Variants in RAP1GAP2 observed in about 807,000 individuals in gnomAD.
The protein encoded by RAP1GAP2 is RAP1 GTPase activating protein 2.
In RAP1GAP2, 27 loss-of-function variants were observed where a neutral mutation model predicts 95.0. The ratio of observed to expected loss-of-function variants is 0.28; its 90% CI spans 0.21 to 0.39. RAP1GAP2 has a LOEUF of 0.39. Among genes scored for constraint, RAP1GAP2 ranks in the 10% least tolerant of loss-of-function variants. The pLI is 1.00. For missense variants in RAP1GAP2, 771 were observed against 970.0 expected, an observed-to-expected ratio of 0.79 and a Z score of 2.72; for synonymous variants, 373 against 380.9, an observed-to-expected ratio of 0.98 and a Z score of 0.24.
In RAP1GAP2 at chr17:3,027,902, G is replaced by A. The variant is rs999990285; in HGVS notation, c.2107+832G>A. On this transcript the variant is annotated intron_variant, in intron 22 of 24. Coordinates refer to ENST00000254695, the MANE Select transcript of RAP1GAP2 (RefSeq NM_015085.5). This position sits in a 1 kb window ranked among gnomAD's most constrained non-coding sequence, Gnocchi z 5.2. The stretch of plus-strand genomic sequence containing the variant: ...GGGTTCAGAGAGAGCAGGAGTCTGG[G>A]CGTTTTGGGGTTCTGTGATCCCTGC... Among the ~76,000 whole-genome samples, 3 of 152,022 alleles carry A rather than the reference G, an allele frequency of 2.0e-5. No individual in the cohort carries two copies. Among genetic ancestry groups the A allele is most frequent in the African/African-American group, 7.2e-5 (3 of 41,390 alleles).
intron 1 of RAP1GAP2, among the ~76,000 whole-genome samples, chr17:2,788,632 C>T (rs1047806302): frequency 3.9e-5 from 6 of 152,052 alleles, no homozygotes; most frequent in Non-Finnish European, 7.4e-5. Context: ...TTTTGGAGGC[C>T]GAGAAGTCCC....
intron 16 of RAP1GAP2, 79 bp downstream of exon 16, chr17:3,006,120 CTTTTTTTTTTTTT>C (rs537126167): frequency 5.3e-4 from 216 of 409,580 alleles, no homozygotes; most frequent in Middle Eastern, 1.2e-3. Flanking sequence ...GCTCCTCCAT[CTTTTTTTTTTTTT>C]TTTTTTTTTT....
At chr17:2,968,846 A>G (rs1404075527) in intron 8 of RAP1GAP2, among the ~76,000 whole-genome samples, 1 of 152,132 alleles carries the variant, frequency 6.6e-6, no homozygotes, top group African/African-American at 2.4e-5. Flanking sequence ...AAAAATTAGA[A>G]AAGTCAAATA....
intron 2 of RAP1GAP2, among the ~76,000 whole-genome samples, chr17:2,831,740 A>T (rs957588032): frequency 6.6e-6 from 1 of 152,088 alleles, no homozygotes; most frequent in Admixed American, 6.6e-5. Context: ...TCTACTAAAA[A>T]TAAAAAAAAT....
intron 1 of RAP1GAP2, among the ~76,000 whole-genome samples, chr17:2,787,271 T>TC (rs1286716539): frequency 6.9e-6 from 1 of 145,674 alleles, no homozygotes; most frequent in African/African-American, 2.6e-5. Context: ...TTTTTTTTTC[T>TC]TTTTTTTTTT....
chr17:2,836,772 A>G (rs1261659797), intron 2 of RAP1GAP2, among the ~76,000 whole-genome samples: 1 of 152,158 alleles, frequency 6.6e-6, no homozygotes, highest in Non-Finnish European at 1.5e-5. Flanking sequence ...TTTCATTCAC[A>G]GGCACCTCTC....
intron 2 of RAP1GAP2, among the ~76,000 whole-genome samples, chr17:2,831,640 C>G (rs1435519359): frequency 6.6e-6 from 1 of 151,842 alleles, no homozygotes; most frequent in East Asian, 1.9e-4. Context: ...CCTGTAATCC[C>G]AGGACCGTAG....
Position 2,881,745 on chromosome 17 carries a change from G to A in RAP1GAP2, c.81-23539G>A, listed in dbSNP as rs536200470. Among the ~76,000 whole-genome samples the A allele has an allele frequency of 8.8e-4, 134 of 152,198 alleles. 1 individual carries two copies. The highest frequency in any genetic ancestry group is 3.0e-3 in the African/African-American group (126 of 41,550). ...ACAGTTTCTCTGCATTCTTGATAAC[G>A]TTTATTGTTATCTGTTTTTTTGCTT... On this transcript the variant is annotated intron_variant, in intron 2 of 24. Transcript: ENST00000254695.
intron 2 of RAP1GAP2, among the ~76,000 whole-genome samples, chr17:2,810,967 G>A (rs1018221815): frequency 3.1e-4 from 47 of 152,076 alleles, no homozygotes; most frequent in African/African-American, 1.0e-3. Context: ...AACTTTGCTC[G>A]AAGCTGACCG....
rs2046403990 is a variant in RAP1GAP2 at position 3,008,459 on chromosome 17, A to G, written c.1494+314A>G. Among the ~76,000 whole-genome samples the G allele has an allele frequency of 6.6e-6, 1 of 152,316 alleles. No individual in the cohort carries two copies. The highest frequency in any genetic ancestry group is 1.9e-4 in the East Asian group (1 of 5,182). On this transcript the variant is annotated intron_variant, in intron 17 of 24. Coordinates refer to ENST00000254695, the MANE Select transcript of RAP1GAP2 (RefSeq NM_015085.5). This position sits in a 1 kb window ranked among gnomAD's most constrained non-coding sequence, Gnocchi z 4.2. ...GGAGAGGAGCTGGAGCAAGCCAGGAACATCGGCGCTTTCACCTGCCTCCTC... is the reference window on the plus strand; with the variant it reads ...GGAGAGGAGCTGGAGCAAGCCAGGAGCATCGGCGCTTTCACCTGCCTCCTC...
chr17:3,012,585 A>G (rs528696173), intron 17 of RAP1GAP2, among the ~76,000 whole-genome samples: 9 of 141,216 alleles, frequency 6.4e-5, no homozygotes, highest in Non-Finnish European at 1.4e-4. Context: ...GCCACTGCAC[A>G]GCAGATCCAG....
intron 3 of RAP1GAP2, among the ~76,000 whole-genome samples, chr17:2,914,540 G>T (rs956206301): frequency 3.3e-5 from 5 of 152,090 alleles, no homozygotes; most frequent in African/African-American, 1.2e-4. Flanking sequence ...GCCCAGGCTG[G>T]AGTGCAGTGG....
chr17:2,846,086 G>C (rs2071574897), intron 2 of RAP1GAP2, among the ~76,000 whole-genome samples: 1 of 151,622 alleles, frequency 6.6e-6, no homozygotes. Context: ...GGGAGGCTGA[G>C]ACTGGAGAAT....
chr17:2,784,968 T>C (rs2068739843), intron 1 of RAP1GAP2, among the ~76,000 whole-genome samples: 1 of 152,124 alleles, frequency 6.6e-6, no homozygotes, highest in Non-Finnish European at 1.5e-5. Context: ...CTGAGGGAGC[T>C]CTCCGCTTCT....
intron 13 of RAP1GAP2, among the ~76,000 whole-genome samples, chr17:2,997,028 T>C (rs139274744): frequency 0.015 from 2,283 of 152,144 alleles, 58 homozygotes; most frequent in African/African-American, 0.051. Flanking sequence ...CAGGCTGGAG[T>C]GCAGTGGTGC....
chr17:2,873,187 C>T (rs1279287599), intron 2 of RAP1GAP2, among the ~76,000 whole-genome samples: 1 of 150,020 alleles, frequency 6.7e-6, no homozygotes, highest in African/African-American at 2.5e-5. Flanking sequence ...AGGCTGGGTG[C>T]AGTGGCTCAT....
At position 3,027,166 on chromosome 17, in the gene RAP1GAP2, T is replaced by C; in HGVS notation, c.2107+96T>C. 1 of 1,423,110 alleles carries C rather than the reference T, an allele frequency of 7.0e-7. No homozygotes were observed. The highest frequency in any genetic ancestry group is 1.5e-5 in the South Asian group (1 of 68,382). 88.2% of individuals were successfully genotyped at this position (1,423,110 alleles called of 1,614,324 possible). A position where few individuals can be genotyped will look rare whatever the true frequency, so the allele number is the denominator to read the frequency against. ...GCCCCAGCCACGCTGAACTGGCCAGTTTTCACCCCTCCTCCCAGCTGTGAG... is the reference window on the plus strand; with the variant it reads ...GCCCCAGCCACGCTGAACTGGCCAGCTTTCACCCCTCCTCCCAGCTGTGAG... On this transcript the variant is annotated intron_variant, in intron 22 of 24. Transcript: ENST00000254695. This position sits in a 1 kb window ranked among gnomAD's most constrained non-coding sequence, Gnocchi z 5.2.
chr17:2,992,827 G>A (rs183898206), intron 12 of RAP1GAP2, among the ~76,000 whole-genome samples: 1 of 152,182 alleles, frequency 6.6e-6, no homozygotes, highest in Admixed American at 6.5e-5. Context: ...AGTCACACCT[G>A]GGATAAAACC....
In RAP1GAP2 at chr17:2,796,537, C is replaced by T. The variant is rs746923589; in HGVS notation, c.10C>T (p.Arg4Trp). 22 of 1,563,680 alleles carry T rather than the reference C, an allele frequency of 1.4e-5. No individual in the cohort carries two copies. The highest frequency in any genetic ancestry group is 1.3e-4 in the Admixed American group (7 of 52,236). MFG[R>W]KRSVSFGGFG... ...CTCTGCAGCCACAACCATGTTTGGC[C>T]GGAAGCGCAGTGTCTCCTTTGGGGG... The change falls in exon 1 of 25, where the codon CGG (arginine) becomes TGG (tryptophan). Residue 4 changes from arginine to tryptophan, a missense_variant. Arg to Trp is a moderately radical substitution (Grantham distance 101). Coordinates refer to ENST00000254695, the MANE Select transcript of RAP1GAP2 (RefSeq NM_015085.5). The surrounding 1 kb of genome is among the most constrained non-coding windows in gnomAD (Gnocchi z 4.7).
Sources: allele counts gnomAD v4.1 joint callset (sites outside exome capture counted in the v4.1 genomes callset), GRCh38; gene constraint gnomAD v4.1.1; non-coding constraint Gnocchi (gnomAD v3.1); transcripts MANE v1.5; gene names NCBI Gene and HGNC (gene_info 2026-07-23, HGNC 2026-07-21).